Variants in ICA1L observed in about 807,000 individuals in gnomAD.
ICA1L encodes the protein islet cell autoantigen 1-like protein.
In ICA1L, 50 loss-of-function variants were observed where a neutral mutation model predicts 61.3. That is an observed-to-expected ratio of 0.82 (90% CI 0.65 to 1.03). The LOEUF (loss-of-function observed/expected upper bound fraction) is 1.03. ICA1L is among the 50% of genes least tolerant of loss of function. The probability of loss-of-function intolerance (pLI) is 0.00; values close to 1 mark genes in which losing one functional copy is unlikely to be tolerated. For missense variants in ICA1L, 508 were observed against 556.7 expected, an observed-to-expected ratio of 0.91 and a Z score of 0.88; for synonymous variants, 161 against 191.3, an observed-to-expected ratio of 0.84 and a Z score of 1.31.
chr2:202,830,339 C>T (rs1031377718), intron 1 of ICA1L, among the ~76,000 whole-genome samples: 1 of 152,008 alleles, frequency 6.6e-6, no homozygotes, highest in East Asian at 1.9e-4. Flanking sequence ...ACCCAGGAGG[C>T]GGAGGTTGCA....
At chr2:202,846,564 C>T (rs1694469421) in intron 1 of ICA1L, among the ~76,000 whole-genome samples, 1 of 152,110 alleles carries the variant, frequency 6.6e-6, no homozygotes, top group African/African-American at 2.4e-5. Context: ...CTCAGAGTCT[C>T]AAGGCAGGTC....
chr2:202,862,074 A>T (rs1033669661), intron 1 of ICA1L, among the ~76,000 whole-genome samples: 22 of 151,298 alleles, frequency 1.5e-4, no homozygotes, highest in Admixed American at 1.1e-3. Flanking sequence ...AACAGACCAT[A>T]TGCTAGGCAG....
Position 202,795,916 on chromosome 2 carries a change from G to A in ICA1L, c.985+974C>T, listed in dbSNP as rs1009470598. On this transcript the variant is annotated intron_variant, in intron 10 of 12. Transcript: ENST00000358299. Reference sequence around the variant, plus strand: ...AAATTAGCTGGGCATGGTGGCGCACGCCTGTAATCCCGGCTATTTGGGAGG... The same window carrying A: ...AAATTAGCTGGGCATGGTGGCGCACACCTGTAATCCCGGCTATTTGGGAGG... Among the ~76,000 whole-genome samples the A allele has an allele frequency of 3.9e-5, 6 of 152,116 alleles. No individual in the cohort carries two copies. In the East Asian group the frequency reaches 5.8e-4, roughly 15 times the overall value.
chr2:202,853,673 C>T (rs1253234243), intron 1 of ICA1L, among the ~76,000 whole-genome samples: 1 of 151,860 alleles, frequency 6.6e-6, no homozygotes, highest in Non-Finnish European at 1.5e-5. Context: ...AAAAAAAAAC[C>T]CCATCAAAAA....
chr2:202,871,205 G>A (rs1687699761), intron 1 of ICA1L: 1 of 152,236 alleles, frequency 6.6e-6, no homozygotes. Context: ...AGGCTGTTCG[G>A]GTGATCCGCC....
Position 202,796,940 on chromosome 2 carries a change from T to TG in ICA1L, c.934dup (p.His312ProfsTer14), listed in dbSNP as rs986469551. On this transcript the variant is annotated frameshift_variant, in exon 10 of 13. Transcript: ENST00000358299. LOFTEE classifies it high-confidence loss of function. ...TGCTCCAAATTCTCTCATTTGAGAA[T>TG]GTTTTTCATTGTGATCTTTGTTTGC... is the stretch of plus-strand genomic sequence containing the variant. 22 of 1,598,816 alleles carry TG rather than the reference T, an allele frequency of 1.4e-5. No homozygotes were observed. The highest frequency in any genetic ancestry group is 1.8e-5 in the Non-Finnish European group (21 of 1,175,072).
intron 6 of ICA1L, among the ~76,000 whole-genome samples, chr2:202,816,766 T>C (rs1274036714): frequency 6.6e-6 from 1 of 152,138 alleles, no homozygotes; most frequent in Non-Finnish European, 1.5e-5. Context: ...GTAAGTACAG[T>C]TTATTCAATT....
intron 5 of ICA1L, 146 bp downstream of exon 5, chr2:202,819,555 T>TA: frequency 1.6e-6 from 1 of 640,484 alleles, no homozygotes; most frequent in Non-Finnish European, 2.7e-6. Flanking sequence ...CAAACTTTTG[T>TA]ACTTCAACTA....
intron 5 of ICA1L, among the ~76,000 whole-genome samples, chr2:202,819,343 A>T (rs1042669721): frequency 2.0e-5 from 3 of 152,226 alleles, no homozygotes; most frequent in Admixed American, 2.0e-4. Context: ...CCTTATAATT[A>T]ACAATCATTT....
chr2:202,856,289 G>A (rs1694768972), intron 1 of ICA1L, among the ~76,000 whole-genome samples: 1 of 152,144 alleles, frequency 6.6e-6, no homozygotes, highest in Admixed American at 6.5e-5. Context: ...CCATGATCAA[G>A]TCTGCTTCAT....
chr2:202,773,946 C>G lies in ICA1L; in HGVS notation c.*5587G>C. On this transcript the variant is annotated 3_prime_UTR_variant, in exon 13 of 13. Transcript: ENST00000358299. ...AAGAGACAGAAAGATTCTTCTCTTC[C>G]GCTTATTACTTGCCACTGTGTTTTA... 8.9e-7 allele frequency: 1 copy of G among 1,120,574 alleles called. No individual in the cohort carries two copies. The highest frequency in any genetic ancestry group is 1.5e-5 in the African/African-American group (1 of 64,940). 69.4% of individuals were successfully genotyped at this position (1,120,574 alleles called of 1,614,324 possible).
At chr2:202,854,741 C>A (rs749885725) in intron 1 of ICA1L, among the ~76,000 whole-genome samples, 7 of 152,164 alleles carry the variant, frequency 4.6e-5, no homozygotes, top group African/African-American at 7.2e-5. Flanking sequence ...AAGAAACTCA[C>A]CTGAGGCCGG....
chr2:202,830,538 T>C (rs1693989701), intron 1 of ICA1L, among the ~76,000 whole-genome samples: 1 of 152,252 alleles, frequency 6.6e-6, no homozygotes, highest in Non-Finnish European at 1.5e-5. Context: ...TAATAACATT[T>C]TGGATCTAAA....
intron 10 of ICA1L, 103 bp from the exon 11 acceptor site, chr2:202,789,190 A>C: frequency 1.0e-6 from 1 of 960,282 alleles, no homozygotes. Flanking sequence ...ATACTGTATT[A>C]ACATAATTTT....
chr2:202,785,004 G>A (rs1387260827), intron 12 of ICA1L, among the ~76,000 whole-genome samples: 2 of 152,032 alleles, frequency 1.3e-5, no homozygotes, highest in Non-Finnish European at 1.5e-5. Flanking sequence ...CGGATCATGA[G>A]GTCAGGAGAT....
chr2:202,786,661 T>C (rs1278961084), intron 11 of ICA1L: 2 of 435,824 alleles, frequency 4.6e-6, no homozygotes, highest in Admixed American at 5.3e-5. Flanking sequence ...CTGAAACCTA[T>C]AAATATGCTC....
At chr2:202,791,319 C>T (rs977346960) in intron 10 of ICA1L, among the ~76,000 whole-genome samples, 13 of 151,920 alleles carry the variant, frequency 8.6e-5, no homozygotes, top group African/African-American at 2.4e-4. Context: ...AAGGCAAAAT[C>T]GAGAAAATAA....
At chr2:202,846,513 C>T (rs779936837) in intron 1 of ICA1L, among the ~76,000 whole-genome samples, 9 of 151,998 alleles carry the variant, frequency 5.9e-5, no homozygotes, top group Non-Finnish European at 1.2e-4. Context: ...TTTTTGGGCT[C>T]GATTAATTTG....
At chr2:202,829,559 G>T (rs1351655947) in intron 1 of ICA1L, among the ~76,000 whole-genome samples, 3 of 152,092 alleles carry the variant, frequency 2.0e-5, no homozygotes, top group Non-Finnish European at 4.4e-5. Flanking sequence ...TCCTGCCTCA[G>T]CCTCATGCAG....
Sources: allele counts gnomAD v4.1 joint callset (sites outside exome capture counted in the v4.1 genomes callset), GRCh38; gene constraint gnomAD v4.1.1; transcripts MANE v1.5; gene names NCBI Gene and HGNC (gene_info 2026-07-23, HGNC 2026-07-21).